The following ASAH1 variants were observed in gnomAD, a reference collection of about 807,000 sequenced individuals.
ASAH1 encodes N-acylsphingosine amidohydrolase 1.
ASAH1 carries 70 observed loss-of-function variants against 59.5 expected under a neutral mutation model. That is an observed-to-expected ratio of 1.18 (90% CI 0.97 to 1.43). ASAH1 has a LOEUF of 1.43. Among genes scored for constraint, ASAH1 ranks in the 40% most tolerant of loss-of-function variants. The pLI, the probability that ASAH1 is intolerant of heterozygous loss-of-function variation, is 0.00. For missense variants in ASAH1, 660 were observed against 482.5 expected (o/e 1.37, Z -3.45); for synonymous variants, 213 against 166.5 (o/e 1.28, Z -2.15).
chr8:18,070,823 C>T (rs1435694506), intron 3 of ASAH1, among the ~76,000 whole-genome samples: 1 of 152,078 alleles, frequency 6.6e-6, no homozygotes, highest in Admixed American at 6.6e-5. Context: ...ATGAAGTGTT[C>T]TTTTAAAAAT....
upstream of ASAH1, chr8:18,084,578 C>T: frequency 6.4e-7 from 1 of 1,564,078 alleles, no homozygotes; most frequent in Non-Finnish European, 8.7e-7. Flanking sequence ...TTGAGTTATT[C>T]ATCCCCACCG....
At chr8:18,083,919 G>A in intron 1 of ASAH1, 62 bp downstream of exon 1, 1 of 1,555,618 alleles carries the variant, frequency 6.4e-7, no homozygotes, top group Non-Finnish European at 8.6e-7. Flanking sequence ...CGCCACACCT[G>A]CGCCTCCATC....
At chr8:18,083,821 C>T in intron 1 of ASAH1, 160 bp downstream of exon 1, 1 of 1,433,444 alleles carries the variant, frequency 7.0e-7, no homozygotes. Context: ...TTCGCCAGCC[C>T]GCTCTGCACC....
chr8:18,061,583 C>A, intron 9 of ASAH1, 103 bp downstream of exon 9: 6 of 1,461,070 alleles, frequency 4.1e-6, no homozygotes, highest in South Asian at 2.3e-5. Flanking sequence ...TGTAACCAGT[C>A]GGGAACCGGA....
chr8:18,073,674 T>A (rs1214250274), intron 2 of ASAH1, among the ~76,000 whole-genome samples: 2 of 152,250 alleles, frequency 1.3e-5, no homozygotes, highest in Admixed American at 1.3e-4. Context: ...TTCCCTCATA[T>A]CTGCCCATGG....
At chr8:18,079,823 C>G (rs544498629) in intron 1 of ASAH1, among the ~76,000 whole-genome samples, 2 of 152,322 alleles carry the variant, frequency 1.3e-5, no homozygotes, top group South Asian at 4.1e-4. Context: ...AGCAGAAACA[C>G]TGAATACAAA....
intron 3 of ASAH1, 87 bp from the exon 4 acceptor site, chr8:18,069,965 G>C (rs146245415): frequency 3.7e-4 from 330 of 880,488 alleles, no homozygotes; most frequent in African/African-American, 3.7e-3. Flanking sequence ...AGCTAAAAGA[G>C]AGTGCTATTT....
chr8:18,083,815 C>A (rs1800766228), intron 1 of ASAH1, 166 bp downstream of exon 1: 2 of 1,415,598 alleles, frequency 1.4e-6, no homozygotes, highest in Non-Finnish European at 1.9e-6. Flanking sequence ...ACGGGGTTCG[C>A]CAGCCCGCTC....
intron 5 of ASAH1, chr8:18,064,908 G>A (rs1239178829): frequency 1.1e-5 from 2 of 174,432 alleles, no homozygotes; most frequent in Non-Finnish European, 2.4e-5. Context: ...GATTTTTAAA[G>A]TGTGACTAAA....
Position 18,082,945 on chromosome 8 carries a change from T to G in ASAH1, c.78+1036A>C, listed in dbSNP as rs1030725111. Among the ~76,000 whole-genome samples the G allele has an allele frequency of 3.3e-5, 5 of 152,232 alleles. No homozygotes were observed. In the East Asian group the frequency reaches 9.6e-4, roughly 29 times the overall value. ...TTTAATCGTGTCCACATACATGTTCTGTGTATTTTCCTATTACAGGAAAAA... is the reference window on the plus strand; with the variant it reads ...TTTAATCGTGTCCACATACATGTTCGGTGTATTTTCCTATTACAGGAAAAA... On this transcript the variant is annotated intron_variant, in intron 1 of 13. Coordinates refer to ENST00000637790, the MANE Select transcript of ASAH1 (RefSeq NM_177924.5).
Position 18,069,782 on chromosome 8 carries a change from T to A in ASAH1, c.303+10A>T. ...GCTTAACATTTATTGTGAGAAATAA[T>A]ATCTCTTACCAATTTTTCATCCACC... On this transcript the variant is annotated intron_variant, in intron 4 of 13. Transcript: ENST00000637790. 1 of 1,524,648 alleles carries A rather than the reference T, an allele frequency of 6.6e-7. No homozygotes were observed. Among genetic ancestry groups the A allele is most frequent in the Non-Finnish European group, 9.1e-7 (1 of 1,100,032 alleles). 94.4% of individuals were successfully genotyped at this position (1,524,648 alleles called of 1,614,324 possible). A position where few individuals can be genotyped will look rare whatever the true frequency, so the allele number is the denominator to read the frequency against.
chr8:18,063,652 T>C, intron 6 of ASAH1: 2 of 171,080 alleles, frequency 1.2e-5, no homozygotes, highest in Non-Finnish European at 2.5e-5. Flanking sequence ...CACAACTGTT[T>C]CTTCAAACAA....
At chr8:18,084,754 C>T, upstream of ASAH1, 1 of 1,613,670 alleles carries the variant, frequency 6.2e-7, no homozygotes, top group Non-Finnish European at 8.5e-7. Flanking sequence ...GGTAGGAGGC[C>T]CGGTGGGACC....
At chr8:18,057,891 G>A (rs1269932677) in intron 13 of ASAH1, 2 of 175,984 alleles carry the variant, frequency 1.1e-5, no homozygotes, top group African/African-American at 4.8e-5. Flanking sequence ...AACAGGCTCA[G>A]GAAAGAATCT....
At chr8:18,062,945 A>C (rs1799769744) in intron 7 of ASAH1, 2 of 453,042 alleles carry the variant, frequency 4.4e-6, no homozygotes, top group Non-Finnish European at 7.9e-6. Flanking sequence ...ATCTCGGCTC[A>C]CTGCAACCTC....
chr8:18,063,464 T>G, intron 6 of ASAH1: 1 of 415,906 alleles, frequency 2.4e-6, no homozygotes, highest in East Asian at 4.7e-5. Flanking sequence ...CGACCGCACC[T>G]GGCTACTTTT....
intron 1 of ASAH1, among the ~76,000 whole-genome samples, chr8:18,079,728 A>C (rs1473901834): frequency 4.6e-5 from 7 of 152,220 alleles, no homozygotes; most frequent in African/African-American, 1.4e-4. Context: ...CTAGCCAGAC[A>C]ATTTTTCATT....
intron 1 of ASAH1, chr8:18,083,319 C>G (rs1265149852): frequency 6.5e-6 from 1 of 152,750 alleles, no homozygotes; most frequent in African/African-American, 2.4e-5. Flanking sequence ...TAAATATTTT[C>G]TCACTCTAGG....
intron 1 of ASAH1, among the ~76,000 whole-genome samples, chr8:18,078,793 T>C (rs999812922): frequency 7.9e-5 from 12 of 152,162 alleles, no homozygotes; most frequent in Admixed American, 2.0e-4. Flanking sequence ...GATTATGTGG[T>C]CTGGATGGTA....
Sources: gnomAD v4.1 joint callset for allele counts (sites outside exome capture counted in the v4.1 genomes callset) on GRCh38, gnomAD v4.1.1 for gene constraint, MANE v1.5 for transcripts, NCBI Gene and HGNC (gene_info 2026-07-23, HGNC 2026-07-21) for gene names.